The following XRCC5 variants were observed in gnomAD, a reference collection of about 807,000 sequenced individuals.
XRCC5 encodes the protein DNA repair protein Ku80.
Under a neutral mutation model 95.7 loss-of-function variants are expected in XRCC5, and 12 were observed. The observed-to-expected ratio is 0.13, with a 90% CI of 0.08 to 0.20. The LOEUF (loss-of-function observed/expected upper bound fraction) is 0.20. Among genes scored for constraint, XRCC5 ranks in the 10% least tolerant of loss-of-function variants. The pLI, the probability that XRCC5 is intolerant of heterozygous loss-of-function variation, is 1.00. For missense variants in XRCC5, 595 were observed against 873.9 expected (o/e 0.68, Z 4.02); for synonymous variants, 281 against 290.3 (o/e 0.97, Z 0.33).
At chr2:216,163,307 AC>A (rs1484250667) in intron 16 of XRCC5, among the ~76,000 whole-genome samples, 1 of 151,544 alleles carries the variant, frequency 6.6e-6, no homozygotes, top group African/African-American at 2.4e-5. Context: ...GCCAAAAATT[AC>A]TTTTTTTCTT....
chr2:216,138,302 ATACACT>A, intron 12 of XRCC5, 123 bp downstream of exon 12: 1 of 794,242 alleles, frequency 1.3e-6, no homozygotes, highest in Admixed American at 2.4e-5. Context: ...ATTTCCAATC[ATACACT>A]TAGACACAGT....
At chr2:216,122,334 TC>T in intron 6 of XRCC5, 81 bp downstream of exon 6, 1 of 1,362,938 alleles carries the variant, frequency 7.3e-7, no homozygotes, top group Non-Finnish European at 9.9e-7. Flanking sequence ...CCCAAATGTT[TC>T]CTTTTTCTGG....
At chr2:216,203,848 C>CTTTTTTTTTTTTTTT (rs56250537) in intron 19 of XRCC5, among the ~76,000 whole-genome samples, 1 of 118,796 alleles carries the variant, frequency 8.4e-6, no homozygotes, top group Non-Finnish European at 1.7e-5. Context: ...TTATTCTAAG[C>CTTTTTTTTTTTTTTT]TTTTTTTTTT....
At chr2:216,126,361 A>G (rs1464881303) in intron 7 of XRCC5, among the ~76,000 whole-genome samples, 2 of 152,208 alleles carry the variant, frequency 1.3e-5, no homozygotes, top group Admixed American at 1.3e-4. Context: ...TTGTAGTATC[A>G]TAGCAGAAAT....
At chr2:216,140,804 T>G (rs1414904397) in intron 12 of XRCC5, among the ~76,000 whole-genome samples, 1 of 152,248 alleles carries the variant, frequency 6.6e-6, no homozygotes, top group African/African-American at 2.4e-5. Flanking sequence ...TTTAATGTTT[T>G]TCTTCTTTAG....
Position 216,137,212 on chromosome 2 carries a change from A to G in XRCC5, c.1238A>G (p.Lys413Arg), listed in dbSNP as rs770261641. The part of the protein sequence containing the change: ...PQVGVAFPHI[K>R]HNYECLVYVQ... Reference sequence around the variant, plus strand: ...GTCGGCGTGGCTTTTCCTCATATCAAGCATAACTATGAGGTAAAACCCAAA... The same window carrying G: ...GTCGGCGTGGCTTTTCCTCATATCAGGCATAACTATGAGGTAAAACCCAAA... The change falls in exon 11 of 21, where the codon AAG (lysine) becomes AGG (arginine). Residue 413 changes from lysine (K) to arginine (R), a missense_variant. Physicochemically the swap from Lys to Arg is conservative, Grantham distance 26. Around this residue, in one of 2 missense-constraint regions of XRCC5, gnomAD observed 309 missense variants for 382.9 expected, o/e 0.81. Coordinates refer to ENST00000392132, the MANE Select transcript of XRCC5 (RefSeq NM_021141.4). 1.2e-6 allele frequency: 2 copies of G among 1,613,226 alleles called. No individual in the cohort carries two copies. The highest frequency in any genetic ancestry group is 1.1e-5 in the South Asian group (1 of 90,874).
chr2:216,110,013 A>G (rs150915655), intron 1 of XRCC5, among the ~76,000 whole-genome samples: 286 of 152,292 alleles, frequency 1.9e-3, no homozygotes, highest in African/African-American at 6.4e-3. Context: ...ACGGATCTAA[A>G]CCTTTTATTC....
At chr2:216,137,004 T>G in intron 10 of XRCC5, 84 bp from the exon 11 acceptor site, 1 of 1,451,854 alleles carries the variant, frequency 6.9e-7, no homozygotes, top group Non-Finnish European at 9.2e-7. Context: ...AGAAAGAAAG[T>G]GATAACAGTC....
In XRCC5 at chr2:216,122,152, A is replaced by G. The variant is rs755760779; in HGVS notation, c.582A>G (p.Leu194=). ...RLGGHGPSFP[L]KGITEQQKEG... ...GTGGCCATGGGCCTTCCTTTCCACT[A>G]AAAGGAATTACCGAACAGCAAAAAG... The change falls in exon 6 of 21, where the codon CTA becomes CTG. Residue 194 remains leucine (L), a synonymous_variant. Transcript: ENST00000392132. 5 of 1,613,976 alleles carry G rather than the reference A, an allele frequency of 3.1e-6. No homozygotes were observed. Among genetic ancestry groups the G allele is most frequent in the South Asian group, 2.2e-5 (2 of 91,084 alleles).
intron 16 of XRCC5, among the ~76,000 whole-genome samples, chr2:216,163,214 A>G: frequency 6.6e-6 from 1 of 152,038 alleles, no homozygotes; most frequent in East Asian, 1.9e-4. Flanking sequence ...AGCTCACTAT[A>G]ACGTTGGACC....
Position 216,116,840 on chromosome 2 carries a change from A to C in XRCC5, c.317A>C (p.Asp106Ala). ...ATCCAACCAGGTTCTCAACAGGCTG[A>C]CTGTATCCTTTTTCTGCCAGAGAAG... ...SKIQPGSQQA[D>A]FLDALIVSMD... The change falls in exon 3 of 21, where the codon GAC (aspartate) becomes GCC (alanine). Residue 106 changes from aspartate (D) to alanine (A), a missense_variant and splice_region_variant. Asp to Ala is a moderately radical substitution (Grantham distance 126, BLOSUM62 -2). Coordinates refer to ENST00000392132, the MANE Select transcript of XRCC5 (RefSeq NM_021141.4). The C allele has an allele frequency of 6.2e-7, 1 of 1,611,942 alleles. No homozygotes were observed. Among genetic ancestry groups the C allele is most frequent in the Non-Finnish European group, 8.5e-7 (1 of 1,178,330 alleles).
At chr2:216,165,889 T>A (rs530080957) in intron 16 of XRCC5, among the ~76,000 whole-genome samples, 23 of 152,114 alleles carry the variant, frequency 1.5e-4, no homozygotes, top group Non-Finnish European at 2.5e-4. Context: ...TGTGATTCTG[T>A]CCCCGACATC....
At chr2:216,202,817 AG>A (rs1689864246) in intron 19 of XRCC5, among the ~76,000 whole-genome samples, 1 of 152,248 alleles carries the variant, frequency 6.6e-6, no homozygotes, top group African/African-American at 2.4e-5. Flanking sequence ...GTGCTGACAA[AG>A]GCACTGCACC....
chr2:216,173,433 G>A lies in XRCC5; in HGVS notation c.1834+11385G>A, dbSNP rs146022669. Among the ~76,000 whole-genome samples, 583 of 152,260 alleles carry A rather than the reference G, an allele frequency of 3.8e-3. 1 individual carries two copies. The highest frequency in any genetic ancestry group is 0.013 in the African/African-American group (558 of 41,544). ...TTGAAAGTTTTTATTATGAATGGAT[G>A]TTGAGTTTTGTTAGATGCATTTTCT... On this transcript the variant is annotated intron_variant, in intron 16 of 20. Transcript: ENST00000392132.
At chr2:216,175,290 T>C (rs1309314748) in intron 16 of XRCC5, 2 of 441,344 alleles carry the variant, frequency 4.5e-6, no homozygotes, top group Admixed American at 5.5e-5. Context: ...CCTCTACTTC[T>C]ACCACCAGAG....
chr2:216,188,631 C>T (rs1689554076), intron 16 of XRCC5, among the ~76,000 whole-genome samples: 1 of 152,126 alleles, frequency 6.6e-6, no homozygotes, highest in Non-Finnish European at 1.5e-5. Flanking sequence ...ATCAGATGAT[C>T]TGGGAAAGTA....
rs755018573 is a variant in XRCC5 at position 216,117,842 on chromosome 2, T to C, written c.368+48T>C. ...CTGGAAGAGAATCTTTTTGCAAAAA[T>C]TGTATGGGTTAATGTATTGAATGTA... On this transcript the variant is annotated intron_variant, in intron 4 of 20. Coordinates refer to ENST00000392132, the MANE Select transcript of XRCC5 (RefSeq NM_021141.4). 5.1e-6 allele frequency: 8 copies of C among 1,565,504 alleles called. No homozygotes were observed. In the African/African-American group the frequency reaches 9.5e-5, roughly 19 times the overall value.
intron 19 of XRCC5, among the ~76,000 whole-genome samples, chr2:216,201,928 T>C (rs1029665621): frequency 6.6e-6 from 1 of 152,146 alleles, no homozygotes; most frequent in Non-Finnish European, 1.5e-5. Flanking sequence ...TTAAACATAA[T>C]TTGCTTACAC....
intron 8 of XRCC5, 179 bp downstream of exon 8, chr2:216,127,853 G>T: frequency 3.6e-6 from 2 of 554,770 alleles, no homozygotes; most frequent in Non-Finnish European, 2.8e-6. Context: ...GTCTTAGGCA[G>T]GTTGCTTCTC....
Sources: allele counts gnomAD v4.1 joint callset (sites outside exome capture counted in the v4.1 genomes callset), GRCh38; gene constraint gnomAD v4.1.1; regional missense constraint gnomAD v4.1.1; transcripts MANE v1.5; gene names NCBI Gene and HGNC (gene_info 2026-07-23, HGNC 2026-07-21).